The following CSTL1 variants were observed in gnomAD, a reference collection of about 807,000 sequenced individuals.
CSTL1 encodes the protein cystatin like 1.
In CSTL1, 14 loss-of-function variants were observed where a neutral mutation model predicts 14.4. The ratio of observed to expected loss-of-function variants is 0.97; its 90% CI spans 0.64 to 1.52. The LOEUF (loss-of-function observed/expected upper bound fraction) is 1.52, where lower values mean the gene tolerates loss of function less well. Among genes scored for constraint, CSTL1 ranks in the 40% most tolerant of loss-of-function variants. CSTL1 has a pLI of 0.00. For missense variants in CSTL1, 170 were observed against 168.7 expected (o/e 1.01, Z -0.04); for synonymous variants, 72 against 67.5 (o/e 1.07, Z -0.33).
At chr20:23,444,942 T>C (rs373376903), downstream of CSTL1, 23 of 1,122,254 alleles carry the variant, frequency 2.0e-5, no homozygotes, top group Non-Finnish European at 2.7e-5. Context: ...GTCTCCCTCA[T>C]TGGGGTCTTA....
At chr20:23,445,820 C>T (rs1311353787), downstream of CSTL1, among the ~76,000 whole-genome samples, 1 of 152,170 alleles carries the variant, frequency 6.6e-6, no homozygotes, top group Non-Finnish European at 1.5e-5. Flanking sequence ...TAGAGTCATT[C>T]TCATGGCTGT....
At chr20:23,454,504 G>A in the CSTL1 span, among the ~76,000 whole-genome samples, 2 of 152,056 alleles carry the variant, frequency 1.3e-5, no homozygotes, top group African/African-American at 4.8e-5. Flanking sequence ...CAAAACTCAT[G>A]GACCTCAGGG....
the CSTL1 span, among the ~76,000 whole-genome samples, chr20:23,457,172 C>T: frequency 6.6e-6 from 1 of 152,288 alleles, no homozygotes; most frequent in East Asian, 1.9e-4. Context: ...GCCCTGTTGA[C>T]ATCCCTACCA....
chr20:23,441,542 T>G (rs1285210193), intron 2 of CSTL1, among the ~76,000 whole-genome samples: 1 of 152,192 alleles, frequency 6.6e-6, no homozygotes, highest in Non-Finnish European at 1.5e-5. Context: ...TAAAATGGAA[T>G]AGTGTTTCCA....
At chr20:23,449,256 T>A (rs1305057341), downstream of CSTL1, among the ~76,000 whole-genome samples, 1 of 152,158 alleles carries the variant, frequency 6.6e-6, no homozygotes, top group Non-Finnish European at 1.5e-5. Flanking sequence ...TGCCGCTTAC[T>A]CTGCCCTGGA....
At chr20:23,444,123 C>T in intron 3 of CSTL1, 79 bp downstream of exon 3, 1 of 1,335,154 alleles carries the variant, frequency 7.5e-7, no homozygotes, top group Non-Finnish European at 1.1e-6. Flanking sequence ...GGCAGTTTTG[C>T]CACTTGTGTG....
chr20:23,446,985 A>T (rs1986982197), downstream of CSTL1, among the ~76,000 whole-genome samples: 2 of 152,216 alleles, frequency 1.3e-5, no homozygotes, highest in African/African-American at 4.8e-5. Context: ...CACAAACGTC[A>T]CAAAAACAAA....
chr20:23,459,778 G>C, the CSTL1 span, among the ~76,000 whole-genome samples: 2 of 152,324 alleles, frequency 1.3e-5, no homozygotes, highest in East Asian at 3.9e-4. Flanking sequence ...ATGAACACAT[G>C]GATGATTGAA....
the CSTL1 span, among the ~76,000 whole-genome samples, chr20:23,451,139 C>A: frequency 1.3e-5 from 2 of 152,208 alleles, no homozygotes; most frequent in Non-Finnish European, 2.9e-5. Context: ...CTTCCATCCA[C>A]CCATCCATCT....
chr20:23,458,099 A>G, the CSTL1 span, among the ~76,000 whole-genome samples: 4 of 152,192 alleles, frequency 2.6e-5, no homozygotes, highest in African/African-American at 4.8e-5. Flanking sequence ...ATATTGTAGC[A>G]TGTTTATATT....
chr20:23,451,170 C>G, the CSTL1 span, among the ~76,000 whole-genome samples: 2 of 152,178 alleles, frequency 1.3e-5, no homozygotes, highest in African/African-American at 4.8e-5. Context: ...ACTTTGCTTC[C>G]TCTCCCTCAG....
At chr20:23,443,388 T>C (rs1352979902) in intron 2 of CSTL1, among the ~76,000 whole-genome samples, 7 of 152,186 alleles carry the variant, frequency 4.6e-5, no homozygotes, top group Admixed American at 3.9e-4. Context: ...TGGTTTGTAG[T>C]TTGTAAGTGA....
downstream of CSTL1, among the ~76,000 whole-genome samples, chr20:23,448,477 A>G (rs1337486095): frequency 6.6e-6 from 1 of 152,228 alleles, no homozygotes; most frequent in East Asian, 1.9e-4. Flanking sequence ...CACACACAGT[A>G]CCAATGTTGG....
chr20:23,443,846 G>T, intron 2 of CSTL1, 88 bp from the exon 3 acceptor site: 1 of 899,140 alleles, frequency 1.1e-6, no homozygotes. Flanking sequence ...GGCCCTGGGA[G>T]CTTTACTCTC....
the CSTL1 span, among the ~76,000 whole-genome samples, chr20:23,460,435 G>A: frequency 6.6e-6 from 1 of 152,124 alleles, no homozygotes; most frequent in Non-Finnish European, 1.5e-5. Flanking sequence ...TATTTATTTT[G>A]CAGTTGGCTA....
the CSTL1 span, among the ~76,000 whole-genome samples, chr20:23,454,539 C>T: frequency 4.7e-4 from 72 of 152,212 alleles, no homozygotes; most frequent in African/African-American, 1.6e-3. Context: ...TACAGTGGAG[C>T]GCACATCCTC....
the CSTL1 span, chr20:23,459,504 A>G: frequency 6.6e-6 from 1 of 152,174 alleles, no homozygotes; most frequent in Non-Finnish European, 1.5e-5. Flanking sequence ...ATTTCTGACA[A>G]GTAGTGCAGT....
downstream of CSTL1, among the ~76,000 whole-genome samples, chr20:23,448,083 G>T (rs1040545979): frequency 1.3e-5 from 2 of 151,700 alleles, no homozygotes; most frequent in African/African-American, 4.8e-5. Context: ...GTGCTGTTTG[G>T]TTACATAGAT....
chr20:23,457,016 T>A, the CSTL1 span, among the ~76,000 whole-genome samples: 1 of 152,178 alleles, frequency 6.6e-6, no homozygotes, highest in Non-Finnish European at 1.5e-5. Flanking sequence ...AGGTAACAAG[T>A]TCACAGGTTC....
Sources: gnomAD v4.1 joint callset for allele counts (sites outside exome capture counted in the v4.1 genomes callset) on GRCh38, gnomAD v4.1.1 for gene constraint, MANE v1.5 for transcripts, NCBI Gene and HGNC (gene_info 2026-07-23, HGNC 2026-07-21) for gene names.